Variants in PI4K2B observed in about 807,000 individuals in gnomAD.
The protein encoded by PI4K2B is phosphatidylinositol 4-kinase type 2-beta.
Under a neutral mutation model 56.6 loss-of-function variants are expected in PI4K2B, and 46 were observed. The observed-to-expected ratio is 0.81, with a 90% confidence interval of 0.64 to 1.04. The LOEUF (loss-of-function observed/expected upper bound fraction) is 1.04. Among genes scored for constraint, PI4K2B ranks in the 50% least tolerant of loss-of-function variants. The probability of loss-of-function intolerance (pLI) is 0.00; values close to 1 mark genes in which losing one functional copy is unlikely to be tolerated. For synonymous variants in PI4K2B, 211 were observed against 223.8 expected (o/e 0.94, Z 0.51); for missense variants, 556 against 607.7 (o/e 0.91, Z 0.89).
chr4:25,249,820 C>T (rs1409053635), intron 1 of PI4K2B, among the ~76,000 whole-genome samples: 5 of 152,134 alleles, frequency 3.3e-5, no homozygotes, highest in South Asian at 4.1e-4. Context: ...GACGGGGTGG[C>T]GGTCGGGCAG....
rs62411604 is a variant in PI4K2B at position 25,240,225 on chromosome 4, G to T, written c.268+5794G>T. On this transcript the variant is annotated intron_variant, in intron 1 of 9. Coordinates refer to ENST00000264864, the MANE Select transcript of PI4K2B (RefSeq NM_018323.4). ...TCCTGTAAACACCAGGTGGCATCTC[G>T]TACTGGTTAGTGTAAAAATAACACT... 2.6e-5 allele frequency among the ~76,000 whole-genome samples: 4 copies of T among 152,222 alleles called. No homozygotes were observed. The South Asian group carries it at 8.3e-4, about 32-fold the overall frequency.
intron 9 of PI4K2B, chr4:25,276,526 G>A (rs749269637): frequency 9.7e-6 from 4 of 411,896 alleles, no homozygotes; most frequent in Non-Finnish European, 1.3e-5. Flanking sequence ...AAGGCAGCAA[G>A]TTTGCTTGTT....
In PI4K2B at chr4:25,242,575, T is replaced by C. The variant is rs184475863; in HGVS notation, c.268+8144T>C. Among the ~76,000 whole-genome samples the C allele has an allele frequency of 4.1e-3, 631 of 152,374 alleles. 3 individuals carry two copies. The highest frequency in any genetic ancestry group is 7.8e-3 in the Admixed American group (120 of 15,312). On this transcript the variant is annotated intron_variant, in intron 1 of 9. Coordinates refer to ENST00000264864, the MANE Select transcript of PI4K2B (RefSeq NM_018323.4). Reference sequence around the variant, plus strand: ...TGGATATAGAGGAATTACTGCCTCATTGATGAGTCTAAGATCTTGCACTAG... The same window carrying C: ...TGGATATAGAGGAATTACTGCCTCACTGATGAGTCTAAGATCTTGCACTAG...
At chr4:25,242,413 G>A (rs1715565722) in intron 1 of PI4K2B, among the ~76,000 whole-genome samples, 1 of 152,208 alleles carries the variant, frequency 6.6e-6, no homozygotes, top group Non-Finnish European at 1.5e-5. Flanking sequence ...GTGGTCTGTG[G>A]GATCCTCAAA....
intron 6 of PI4K2B, among the ~76,000 whole-genome samples, chr4:25,261,785 C>A (rs1450127252): frequency 6.6e-6 from 1 of 152,106 alleles, no homozygotes; most frequent in African/African-American, 2.4e-5. Flanking sequence ...TGACAGAAAA[C>A]AGACCAGTAG....
At chr4:25,234,856 C>T (rs577943601) in intron 1 of PI4K2B, among the ~76,000 whole-genome samples, 1 of 152,306 alleles carries the variant, frequency 6.6e-6, no homozygotes, top group Admixed American at 6.5e-5. Flanking sequence ...GATGGACAGC[C>T]AGAATATCCA....
intron 6 of PI4K2B, among the ~76,000 whole-genome samples, chr4:25,262,068 G>A (rs1331260290): frequency 2.0e-5 from 3 of 152,034 alleles, no homozygotes; most frequent in Non-Finnish European, 4.4e-5. Context: ...CGCCAAGGTG[G>A]GAGGATTGAT....
chr4:25,234,467 C>G, intron 1 of PI4K2B, 36 bp downstream of exon 1: 1 of 1,243,242 alleles, frequency 8.0e-7, no homozygotes. Context: ...CCGCGCCCCT[C>G]CGGGCGGCTG....
chr4:25,250,948 A>G (rs191991315), intron 1 of PI4K2B, among the ~76,000 whole-genome samples: 5 of 152,304 alleles, frequency 3.3e-5, no homozygotes, highest in Admixed American at 2.6e-4. Flanking sequence ...GGCCTAAGCA[A>G]CTGGAAGATT....
chr4:25,262,800 G>A (rs892376699), intron 6 of PI4K2B, among the ~76,000 whole-genome samples: 6 of 152,022 alleles, frequency 3.9e-5, no homozygotes, highest in East Asian at 3.9e-4. Flanking sequence ...ATTACCTTCC[G>A]CAGAAATACT....
intron 6 of PI4K2B, among the ~76,000 whole-genome samples, chr4:25,262,655 A>T (rs941531688): frequency 6.6e-6 from 1 of 152,132 alleles, no homozygotes; most frequent in African/African-American, 2.4e-5. Context: ...ACACACTTTT[A>T]ACTTTATTCT....
chr4:25,277,244 A>G lies in PI4K2B; in HGVS notation c.*57A>G, dbSNP rs1353303328. 5 of 1,502,036 alleles carry G rather than the reference A, an allele frequency of 3.3e-6. No individual in the cohort carries two copies. The highest frequency in any genetic ancestry group is 1.4e-5 in the African/African-American group (1 of 73,174). The allele number at this position is 1,502,036 out of a possible 1,614,324, so 93.0% of individuals were successfully genotyped here. The stretch of plus-strand genomic sequence containing the variant: ...AGAATTATCATGTTTTTAAAACATC[A>G]TAGTAATATAAATCTGCTGTTAGGA... On this transcript the variant is annotated 3_prime_UTR_variant, in exon 10 of 10. Coordinates refer to ENST00000264864, the MANE Select transcript of PI4K2B (RefSeq NM_018323.4).
At chr4:25,255,944 A>G (rs1436351878) in intron 3 of PI4K2B, among the ~76,000 whole-genome samples, 1 of 151,244 alleles carries the variant, frequency 6.6e-6, no homozygotes, top group Non-Finnish European at 1.5e-5. Context: ...CTTTTTTTTG[A>G]GACAGGGTCT....
chr4:25,237,239 T>C (rs141121235), intron 1 of PI4K2B, among the ~76,000 whole-genome samples: 3 of 152,366 alleles, frequency 2.0e-5, no homozygotes, highest in Admixed American at 6.5e-5. Context: ...TCGGTAGTAA[T>C]GACAGCTAAT....
At chr4:25,268,410 A>G (rs1438327618) in intron 7 of PI4K2B, 33 bp from the exon 8 acceptor site, 23 of 1,567,542 alleles carry the variant, frequency 1.5e-5, no homozygotes, top group Non-Finnish European at 2.0e-5. Flanking sequence ...ACCATTTCCT[A>G]CCACTGATTA....
At chr4:25,247,929 C>T (rs1028369085) in intron 1 of PI4K2B, among the ~76,000 whole-genome samples, 2 of 152,156 alleles carry the variant, frequency 1.3e-5, no homozygotes, top group Non-Finnish European at 2.9e-5. Flanking sequence ...TCTTGAACTC[C>T]TGGACACAAG....
intron 1 of PI4K2B, among the ~76,000 whole-genome samples, chr4:25,246,612 G>C (rs771590903): frequency 1.3e-5 from 2 of 152,216 alleles, no homozygotes; most frequent in Non-Finnish European, 2.9e-5. Context: ...CCAGTCCCAC[G>C]CCTTGTGCCC....
chr4:25,258,946 A>G (rs1286520920), intron 4 of PI4K2B, 91 bp from the exon 5 acceptor site: 2 of 596,878 alleles, frequency 3.4e-6, no homozygotes, highest in African/African-American at 1.9e-5. Context: ...TGTTTACATG[A>G]CATATTTTTT....
At chr4:25,274,185 G>A (rs1411779467) in intron 9 of PI4K2B, among the ~76,000 whole-genome samples, 1 of 152,044 alleles carries the variant, frequency 6.6e-6, no homozygotes, top group Non-Finnish European at 1.5e-5. Context: ...GAATATATGT[G>A]GTTTGATGTA....
Sources: allele counts gnomAD v4.1 joint callset (sites outside exome capture counted in the v4.1 genomes callset), GRCh38; gene constraint gnomAD v4.1.1; transcripts MANE v1.5; gene names NCBI Gene and HGNC (gene_info 2026-07-23, HGNC 2026-07-21).